Variants in IL1RAPL1 observed in about 807,000 individuals in gnomAD.
The protein encoded by IL1RAPL1 is interleukin 1 receptor accessory protein like 1, also known as interleukin-1 receptor accessory protein-like 1.
Under a neutral mutation model 48.4 loss-of-function variants are expected in IL1RAPL1, and 3 were observed. The observed-to-expected ratio is 0.06, with a 90% confidence interval of 0.03 to 0.16. The LOEUF (loss-of-function observed/expected upper bound fraction) is 0.16. IL1RAPL1 is among the 10% of genes least tolerant of loss of function. IL1RAPL1 has a pLI of 1.00. For missense variants in IL1RAPL1, 349 were observed against 530.6 expected (o/e 0.66, Z 3.36); for synonymous variants, 185 against 187.7 (o/e 0.99, Z 0.12).
intron 3 of IL1RAPL1, among the ~76,000 whole-genome samples, chrX:29,289,172 C>A (rs1932333771): frequency 8.9e-6 from 1 of 111,858 alleles, no homozygotes; most frequent in Admixed American, 9.5e-5. Context: ...TTAATTAGAT[C>A]CCATTTGTCA....
chrX:29,118,207 T>C (rs975526625), intron 2 of IL1RAPL1, among the ~76,000 whole-genome samples: 3 of 112,446 alleles, frequency 2.7e-5, no homozygotes, highest in African/African-American at 9.7e-5. Context: ...TACATAAATG[T>C]AGCAGTGAGA....
intron 2 of IL1RAPL1, among the ~76,000 whole-genome samples, chrX:28,971,030 A>G (rs1242517448): frequency 9.0e-6 from 1 of 111,594 alleles, no homozygotes; most frequent in Non-Finnish European, 1.9e-5. Context: ...CAAAAGGGAA[A>G]GAGAAGTATA....
chrX:29,499,517 T>C (rs926704365), intron 5 of IL1RAPL1, among the ~76,000 whole-genome samples: 1 of 112,121 alleles, frequency 8.9e-6, no homozygotes, highest in East Asian at 2.8e-4. Flanking sequence ...TACACACATA[T>C]CAGATGAGAT....
chrX:28,984,294 G>T (rs995011247), intron 2 of IL1RAPL1, among the ~76,000 whole-genome samples: 4 of 111,006 alleles, frequency 3.6e-5, no homozygotes, highest in African/African-American at 9.8e-5. Flanking sequence ...TGCAATATTG[G>T]ATGAACAGTA....
At chrX:29,833,254 G>A (rs1334315582) in intron 6 of IL1RAPL1, among the ~76,000 whole-genome samples, 1 of 111,610 alleles carries the variant, frequency 9.0e-6, no homozygotes, top group Non-Finnish European at 1.9e-5. Context: ...TATGTAGTAG[G>A]TATCAATAGA....
chrX:29,319,244 C>T (rs375438429), intron 3 of IL1RAPL1, among the ~76,000 whole-genome samples: 22 of 107,757 alleles, frequency 2.0e-4, no homozygotes, highest in African/African-American at 7.1e-4. Flanking sequence ...CAGGCTGGAG[C>T]GCAGTGGGGT....
intron 2 of IL1RAPL1, among the ~76,000 whole-genome samples, chrX:28,797,298 T>A (rs772706368): frequency 3.7e-4 from 42 of 112,087 alleles, no homozygotes; most frequent in African/African-American, 1.0e-3. Flanking sequence ...TTATGCAAAT[T>A]TCTGCAGCCA....
chrX:28,646,629 G>A (rs1934614676), intron 1 of IL1RAPL1, among the ~76,000 whole-genome samples: 1 of 112,095 alleles, frequency 8.9e-6, no homozygotes, highest in Non-Finnish European at 1.9e-5. Context: ...ATATACACGT[G>A]CTTGCTGAAA....
At chrX:29,802,789 G>GTACATA (rs1374355658) in intron 6 of IL1RAPL1, among the ~76,000 whole-genome samples, 2 of 26,122 alleles carry the variant, frequency 7.7e-5, no homozygotes, top group African/African-American at 3.1e-4. Context: ...ATATGTGTGT[G>GTACATA]TGTATATATA....
chrX:28,805,349 G>C (rs1176237560), intron 2 of IL1RAPL1, among the ~76,000 whole-genome samples: 1 of 111,256 alleles, frequency 9.0e-6, no homozygotes, highest in African/African-American at 3.3e-5. Flanking sequence ...TATTTTTCCT[G>C]GTCAAATACA....
intron 2 of IL1RAPL1, among the ~76,000 whole-genome samples, chrX:29,100,936 G>A (rs1928323690): frequency 9.0e-6 from 1 of 111,573 alleles, no homozygotes; most frequent in Admixed American, 9.5e-5. Context: ...TTTATCACAT[G>A]CATCCTTTTA....
chrX:29,364,822 G>A lies in IL1RAPL1; in HGVS notation c.363-31436G>A, dbSNP rs929583681. 4.5e-5 allele frequency among the ~76,000 whole-genome samples: 5 copies of A among 110,639 alleles called. No individual in the cohort carries two copies. In the East Asian group the frequency reaches 1.1e-3, roughly 25 times the overall value. On this transcript the variant is annotated intron_variant, in intron 3 of 10. Transcript: ENST00000378993. The stretch of plus-strand genomic sequence containing the variant: ...TTATAACAGGGACTTGAACATCTGT[G>A]GGTTTCAGTGTCCACAGGAGGTCCT...
At chrX:29,865,810 T>G (rs1931683121) in intron 6 of IL1RAPL1, among the ~76,000 whole-genome samples, 1 of 103,798 alleles carries the variant, frequency 9.6e-6, no homozygotes, top group Non-Finnish European at 2.0e-5. Context: ...CTAATTTTTT[T>G]TTTTTTTTTT....
At chrX:28,712,716 C>T (rs1185152280) in intron 1 of IL1RAPL1, among the ~76,000 whole-genome samples, 1 of 110,929 alleles carries the variant, frequency 9.0e-6, no homozygotes, top group Non-Finnish European at 1.9e-5. Context: ...TATTATGTGT[C>T]TGAAGTTATT....
chrX:29,786,757 G>A (rs1163994903), intron 6 of IL1RAPL1, among the ~76,000 whole-genome samples: 2 of 111,370 alleles, frequency 1.8e-5, no homozygotes, highest in Non-Finnish European at 3.8e-5. Flanking sequence ...GGTGGCAGTA[G>A]GGATAAAGGG....
intron 2 of IL1RAPL1, among the ~76,000 whole-genome samples, chrX:28,913,223 T>C (rs1054482885): frequency 2.7e-5 from 3 of 111,797 alleles, no homozygotes; most frequent in African/African-American, 9.7e-5. Flanking sequence ...TGGAGATAAT[T>C]ATTTCACATT....
intron 2 of IL1RAPL1, among the ~76,000 whole-genome samples, chrX:28,896,720 A>G (rs866167744): frequency 1.8e-5 from 2 of 110,378 alleles, no homozygotes; most frequent in East Asian, 5.7e-4. Context: ...TCTGTAGAAA[A>G]GGAAGATTAG....
intron 1 of IL1RAPL1, among the ~76,000 whole-genome samples, chrX:28,724,346 T>TAATG (rs1386325031): frequency 3.6e-5 from 4 of 111,917 alleles, no homozygotes; most frequent in Non-Finnish European, 7.5e-5. Flanking sequence ...TACCATTATG[T>TAATG]AATGGCCTTC....
chrX:28,740,205 A>T (rs925467583), intron 1 of IL1RAPL1, among the ~76,000 whole-genome samples: 1 of 112,097 alleles, frequency 8.9e-6, no homozygotes, highest in Non-Finnish European at 1.9e-5. Context: ...GTAGGTTTAG[A>T]AATTGTCAAC....
Sources: gnomAD v4.1 joint callset for allele counts (sites outside exome capture counted in the v4.1 genomes callset) on GRCh38, gnomAD v4.1.1 for gene constraint, MANE v1.5 for transcripts, NCBI Gene and HGNC (gene_info 2026-07-23, HGNC 2026-07-21) for gene names.